Variants in RNF44 observed in about 807,000 individuals in gnomAD.
RNF44 encodes the protein ring finger protein 44.
A neutral mutation model predicts 53.6 loss-of-function variants in RNF44; 25 were observed. That is an observed-to-expected ratio of 0.47 (90% CI 0.34 to 0.65). The LOEUF is 0.65. Ranked by LOEUF, RNF44 falls within the 30% of genes least tolerant of loss-of-function variation. The pLI, the probability that RNF44 is intolerant of heterozygous loss-of-function variation, is 0.01. For synonymous variants in RNF44, 282 were observed against 252.2 expected (o/e 1.12, Z -1.12); for missense variants, 581 against 595.5 (o/e 0.98, Z 0.25).
Position 176,530,722 on chromosome 5 carries a change from C to G in RNF44, c.661G>C (p.Asp221His). 1 of 1,545,702 alleles carries G rather than the reference C, an allele frequency of 6.5e-7. No homozygotes were observed. The highest frequency in any genetic ancestry group is 8.7e-7 in the Non-Finnish European group (1 of 1,148,888). ...GGCTGGTCCCCACGCAGGTCCACGT[C>G]GTTGTCGAGCCGCTGGAGGGGCTGG... The part of the protein sequence containing the change: ...PRMPLQRLDN[D>H]VDLRGDQPSL... Residue 221 changes from aspartate to histidine, a missense_variant, in exon 6 of 11, where the codon GAC becomes CAC. Physicochemically the swap from Asp to His is moderately conservative, Grantham distance 81. Transcript: ENST00000274811.
rs1030460481 is a variant in RNF44, at chr5:176,528,145, T to C, written c.*883A>G. The C allele has an allele frequency of 6.6e-6, 1 of 152,350 alleles. No individual in the cohort carries two copies. The highest frequency in any genetic ancestry group is 2.4e-5 in the African/African-American group (1 of 41,402). The allele number at this position is 152,350 out of a possible 1,614,324, so 9.4% of individuals were successfully genotyped here. ...GGCACTCGGTCCCAGTTGGTCCCTA[T>C]ACCCGCCCCTATTAAACCAAAAGAA... On this transcript the variant is annotated 3_prime_UTR_variant, in exon 11 of 11. Transcript: ENST00000274811.
In RNF44 at chr5:176,529,309, C is replaced by T. The variant is rs149735332; in HGVS notation, c.1215G>A (p.Lys405=). ...TTACCTTCAACCACTTGTCAACACA[C>T]TTGGTGTGGAACTCATGGTTGCAGG... The part of the protein sequence containing the change: ...VLPCNHEFHT[K]CVDKWLKANR... Residue 405 remains lysine (K), a synonymous_variant, in exon 10 of 11, where the codon AAG becomes AAA. Transcript: ENST00000274811. The T allele has an allele frequency of 9.9e-4, 1,595 of 1,613,718 alleles. No individual in the cohort carries two copies. The highest frequency in any genetic ancestry group is 1.3e-3 in the Non-Finnish European group (1,524 of 1,180,010).
At chr5:176,530,493 AGCTGCCTGGG>A (rs1756537510) in intron 6 of RNF44, 79 bp downstream of exon 6, 1 of 1,305,664 alleles carries the variant, frequency 7.7e-7, no homozygotes, top group Non-Finnish European at 9.9e-7. Flanking sequence ...CCTGCCTCCC[AGCTGCCTGGG>A]AGCCCAGATG....
intron 10 of RNF44, 41 bp downstream of exon 10, chr5:176,529,247 C>A: frequency 6.3e-7 from 1 of 1,583,888 alleles, no homozygotes; most frequent in South Asian, 1.1e-5. Flanking sequence ...CCCCCCGTCA[C>A]TGCATGAGGA....
intron 6 of RNF44, 120 bp downstream of exon 6, chr5:176,530,462 C>T (rs149685441): frequency 1.0e-6 from 1 of 1,003,772 alleles, no homozygotes. Context: ...CCGGAGCCCA[C>T]GTGCAAGTCA....
upstream of RNF44, chr5:176,542,619 C>T (rs1179908226): frequency 2.0e-5 from 3 of 152,246 alleles, no homozygotes; most frequent in African/African-American, 7.2e-5. Flanking sequence ...CCCACTGTCC[C>T]TCCATCTTAC....
chr5:176,536,548 CTT>C (rs916884700), intron 1 of RNF44, among the ~76,000 whole-genome samples: 14 of 152,214 alleles, frequency 9.2e-5, no homozygotes, highest in Non-Finnish European at 1.3e-4. Flanking sequence ...GCTTCCTACT[CTT>C]TTGCGCCGCT....
In RNF44 at chr5:176,529,649, A is replaced by G; in HGVS notation, c.1015-5T>C. On this transcript the variant is annotated splice_polypyrimidine_tract_variant and splice_region_variant and intron_variant, in intron 8 of 10. Coordinates refer to ENST00000274811, the MANE Select transcript of RNF44 (RefSeq NM_014901.5). The stretch of plus-strand genomic sequence containing the variant: ...CTCGGCCAGGTTCAGGAGGGCCTGC[A>G]TGCGGGCAGGAGACGGGGTCAGCGG... 2 of 1,613,736 alleles carry G rather than the reference A, an allele frequency of 1.2e-6. No individual in the cohort carries two copies. The highest frequency in any genetic ancestry group is 8.5e-7 in the Non-Finnish European group (1 of 1,179,890).
chr5:176,533,263 C>T (rs1485167447), intron 1 of RNF44, among the ~76,000 whole-genome samples: 2 of 152,216 alleles, frequency 1.3e-5, no homozygotes, highest in African/African-American at 4.8e-5. Context: ...AGGTTCTAAC[C>T]CGCTCCTGCC....
At chr5:176,536,648 T>G (rs772996945) in intron 1 of RNF44, among the ~76,000 whole-genome samples, 1 of 152,028 alleles carries the variant, frequency 6.6e-6, no homozygotes, top group Non-Finnish European at 1.5e-5. Flanking sequence ...CCGGACCATG[T>G]GCTCGGCGTG....
At position 176,528,149 on chromosome 5, in the gene RNF44, C is replaced by T. The variant is rs111665340; in HGVS notation, c.*879G>A. The T allele has an allele frequency of 2.6e-5, 4 of 152,498 alleles. No individual in the cohort carries two copies. Among genetic ancestry groups the T allele is most frequent in the Admixed American group, 1.3e-4 (2 of 15,298 alleles). 9.4% of individuals were successfully genotyped at this position (152,498 alleles called of 1,614,324 possible). A position where few individuals can be genotyped will look rare whatever the true frequency, so the allele number is the denominator to read the frequency against. ...CTCGGTCCCAGTTGGTCCCTATACCCGCCCCTATTAAACCAAAAGAAAAAA... is the reference window on the plus strand; with the variant it reads ...CTCGGTCCCAGTTGGTCCCTATACCTGCCCCTATTAAACCAAAAGAAAAAA... On this transcript the variant is annotated 3_prime_UTR_variant, in exon 11 of 11. Transcript: ENST00000274811.
intron 7 of RNF44, 85 bp from the exon 8 acceptor site, chr5:176,529,903 C>G: frequency 7.0e-7 from 1 of 1,420,110 alleles, no homozygotes; most frequent in Non-Finnish European, 9.4e-7. Flanking sequence ...TCCTTGCAAA[C>G]AGAGCCCAGA....
At chr5:176,541,660 C>T (rs1757450569), upstream of RNF44, among the ~76,000 whole-genome samples, 1 of 152,190 alleles carries the variant, frequency 6.6e-6, no homozygotes, top group South Asian at 2.1e-4. Context: ...GGCCATGTTT[C>T]CTGCTGGGGC....
rs965830868 is a variant in RNF44, at chr5:176,528,860, G to A, written c.*168C>T. ...GTCTTTGGAGCTTGGCAAATGCAGG[G>A]GCTTATTGCAGGGACTCCTCGCTGG... On this transcript the variant is annotated 3_prime_UTR_variant, in exon 11 of 11. Transcript: ENST00000274811. 1.1e-5 allele frequency: 7 copies of A among 647,450 alleles called. No homozygotes were observed. Among genetic ancestry groups the A allele is most frequent in the Non-Finnish European group, 1.8e-5 (7 of 379,478 alleles). The allele number at this position is 647,450 out of a possible 1,614,324, so 40.1% of individuals were successfully genotyped here.
upstream of RNF44, among the ~76,000 whole-genome samples, chr5:176,542,201 C>G (rs1757463622): frequency 6.6e-6 from 1 of 152,176 alleles, no homozygotes; most frequent in South Asian, 2.1e-4. Flanking sequence ...ATAACTAGGC[C>G]ACTGGGGCGA....
At chr5:176,534,296 TCCCACTTGTTTCTGCCTGGC>T (rs1049190430) in intron 1 of RNF44, among the ~76,000 whole-genome samples, 12 of 152,248 alleles carry the variant, frequency 7.9e-5, no homozygotes, top group Admixed American at 2.6e-4. Context: ...GCAAGCCTGG[TCCCACTTGTTTCTGCCTGGC>T]CCCCTCACTG....
upstream of RNF44, among the ~76,000 whole-genome samples, chr5:176,540,530 G>C (rs1383503582): frequency 6.6e-6 from 1 of 152,198 alleles, no homozygotes; most frequent in Admixed American, 6.5e-5. Flanking sequence ...GCCGGCTTGC[G>C]CTGGCTTCCT....
rs1757262588 is a variant in RNF44, at chr5:176,537,029, T to C, written c.-134A>G. On this transcript the variant is annotated 5_prime_UTR_variant, in exon 1 of 11. Transcript: ENST00000274811. ...GGGCGGGGGAGGGGGGGGGTGCCTG[T>C]CTGGATCCTTTAAGAGCTCCCGCCC... is the stretch of plus-strand genomic sequence containing the variant. The C allele has an allele frequency of 6.6e-6, 1 of 150,734 alleles. No individual in the cohort carries two copies. Among genetic ancestry groups the C allele is most frequent in the African/African-American group, 2.4e-5 (1 of 41,100 alleles). The allele number at this position is 150,734 out of a possible 1,614,324, so 9.3% of individuals were successfully genotyped here.
Position 176,532,203 on chromosome 5 carries a change from A to C in RNF44, c.108-10T>G. 1 of 1,505,632 alleles carries C rather than the reference A, an allele frequency of 6.6e-7. No homozygotes were observed. The highest frequency in any genetic ancestry group is 8.9e-7 in the Non-Finnish European group (1 of 1,128,376). The allele number at this position is 1,505,632 out of a possible 1,614,324, so 93.3% of individuals were successfully genotyped here. A position where few individuals can be genotyped will look rare whatever the true frequency, so the allele number is the denominator to read the frequency against. ...GCCCTCGAGGCCAGGGCTGCACCAC[A>C]GAGAGGAGGCCCCGATAGGACTGAG... On this transcript the variant is annotated splice_polypyrimidine_tract_variant and intron_variant, in intron 2 of 10. Coordinates refer to ENST00000274811, the MANE Select transcript of RNF44 (RefSeq NM_014901.5).
Sources: allele counts gnomAD v4.1 joint callset (sites outside exome capture counted in the v4.1 genomes callset), GRCh38; gene constraint gnomAD v4.1.1; transcripts MANE v1.5; gene names NCBI Gene and HGNC (gene_info 2026-07-23, HGNC 2026-07-21).